The following RORB variants were observed in gnomAD, a reference collection of about 807,000 sequenced individuals.
RORB encodes the protein nuclear receptor ROR-beta.
A neutral mutation model predicts 59.1 loss-of-function variants in RORB; 6 were observed. The ratio of observed to expected loss-of-function variants is 0.10; its 90% CI spans 0.06 to 0.20. RORB has a LOEUF of 0.20. Among genes scored for constraint, RORB ranks in the 10% least tolerant of loss-of-function variants. RORB has a pLI of 1.00. For synonymous variants in RORB, 215 were observed against 204.5 expected, an observed-to-expected ratio of 1.05 and a Z score of -0.44; for missense variants, 320 against 560.5, an observed-to-expected ratio of 0.57 and a Z score of 4.33.
chr9:74,642,921 G>A, intron 4 of RORB, 106 bp downstream of exon 4: 5 of 756,360 alleles, frequency 6.6e-6, no homozygotes, highest in Non-Finnish European at 1.0e-5. Flanking sequence ...TGAATTACTT[G>A]GATTCACAGC....
chr9:74,623,235 C>G (rs867075690), intron 1 of RORB, among the ~76,000 whole-genome samples: 1 of 152,142 alleles, frequency 6.6e-6, no homozygotes, highest in East Asian at 1.9e-4. Context: ...GTAGCCACAA[C>G]CGCAAGAGTG....
At chr9:74,624,365 A>G (rs1485133419) in intron 1 of RORB, among the ~76,000 whole-genome samples, 1 of 152,178 alleles carries the variant, frequency 6.6e-6, no homozygotes, top group East Asian at 1.9e-4. Context: ...CATATTGTAT[A>G]TTTAGACAGG....
intron 1 of RORB, among the ~76,000 whole-genome samples, chr9:74,612,713 A>G (rs2118361797): frequency 6.6e-6 from 1 of 152,302 alleles, no homozygotes; most frequent in South Asian, 2.1e-4. Flanking sequence ...TTAGCACCCT[A>G]TGAATGGTGC....
chr9:74,508,579 C>A (rs907563130), intron 1 of RORB, among the ~76,000 whole-genome samples: 1 of 151,938 alleles, frequency 6.6e-6, no homozygotes, highest in South Asian at 2.1e-4. Flanking sequence ...GTAGGTGACA[C>A]CTTCTATAGT....
intron 1 of RORB, among the ~76,000 whole-genome samples, chr9:74,594,538 T>G (rs981806196): frequency 6.6e-6 from 1 of 152,212 alleles, no homozygotes; most frequent in South Asian, 2.1e-4. Context: ...ATACAATTTT[T>G]ATATCATCAC....
chr9:74,657,524 G>A (rs1824104303), intron 4 of RORB, among the ~76,000 whole-genome samples: 1 of 152,056 alleles, frequency 6.6e-6, no homozygotes, highest in Non-Finnish European at 1.5e-5. Context: ...CTCTACCTGG[G>A]ATACATCTTT....
chr9:74,512,791 T>C (rs1005443983), intron 1 of RORB, among the ~76,000 whole-genome samples: 25 of 152,250 alleles, frequency 1.6e-4, no homozygotes, highest in African/African-American at 5.3e-4. Flanking sequence ...CTGCTTCCTC[T>C]TTTCTGCCTC....
In RORB at chr9:74,591,210, G is replaced by A. The variant is rs562037150; in HGVS notation, c.8-39072G>A. ...CACTAAAATTTCTAGTTGAGTTTTT[G>A]TAAAAAGGACCTTAGTGTAGACTGA... is the stretch of plus-strand genomic sequence containing the variant. On this transcript the variant is annotated intron_variant, in intron 1 of 9. Coordinates refer to ENST00000376896, the MANE Select transcript of RORB (RefSeq NM_006914.4). 1.8e-3 allele frequency among the ~76,000 whole-genome samples: 281 copies of A among 152,274 alleles called. 2 individuals carry two copies. Among genetic ancestry groups the A allele is most frequent in the Non-Finnish European group, 2.5e-3 (173 of 68,006 alleles).
intron 1 of RORB, among the ~76,000 whole-genome samples, chr9:74,552,058 G>A (rs1826617636): frequency 1.3e-5 from 2 of 152,290 alleles, no homozygotes; most frequent in Admixed American, 6.5e-5. Context: ...TGCAAATGCT[G>A]GGGGGCCGTC....
At chr9:74,622,195 G>A (rs994663523) in intron 1 of RORB, among the ~76,000 whole-genome samples, 5 of 152,042 alleles carry the variant, frequency 3.3e-5, no homozygotes, top group African/African-American at 4.8e-5. Context: ...GTGTAATCAC[G>A]AGCTTCCTGT....
intron 1 of RORB, among the ~76,000 whole-genome samples, chr9:74,566,616 G>A (rs1268434034): frequency 6.6e-6 from 1 of 152,076 alleles, no homozygotes; most frequent in Non-Finnish European, 1.5e-5. Flanking sequence ...GGCCAACATG[G>A]TGAAACCCCG....
chr9:74,573,346 T>A lies in RORB; in HGVS notation c.8-56936T>A, dbSNP rs978726633. 3.3e-5 allele frequency among the ~76,000 whole-genome samples: 5 copies of A among 152,010 alleles called. 1 individual carries two copies. In the South Asian group the frequency reaches 8.3e-4, roughly 25 times the overall value. ...TACAAGTGTGTTTTCCCATTCAATT[T>A]TGGCTCCACTCTAAATGACAACGTC... is the stretch of plus-strand genomic sequence containing the variant. On this transcript the variant is annotated intron_variant, in intron 1 of 9. Coordinates refer to ENST00000376896, the MANE Select transcript of RORB (RefSeq NM_006914.4).
At chr9:74,533,906 C>T (rs1239125149) in intron 1 of RORB, among the ~76,000 whole-genome samples, 2 of 151,892 alleles carry the variant, frequency 1.3e-5, no homozygotes, top group Non-Finnish European at 2.9e-5. Flanking sequence ...GTAAAGGGGA[C>T]ATTAAAGAAG....
At chr9:74,499,320 C>G (rs1190881436) in intron 1 of RORB, among the ~76,000 whole-genome samples, 1 of 152,134 alleles carries the variant, frequency 6.6e-6, no homozygotes, top group East Asian at 1.9e-4. Flanking sequence ...CCCACCCAGT[C>G]CCCCTACGCC....
intron 1 of RORB, among the ~76,000 whole-genome samples, chr9:74,503,758 G>A (rs1360520503): frequency 6.6e-6 from 1 of 152,034 alleles, no homozygotes. Context: ...GACAAAGGAA[G>A]CATAGAGGAA....
At chr9:74,635,299 A>G (rs550441739) in intron 3 of RORB, among the ~76,000 whole-genome samples, 201 of 152,280 alleles carry the variant, frequency 1.3e-3, no homozygotes, top group Non-Finnish European at 2.3e-3. Flanking sequence ...TGAAGTTTCC[A>G]AAGGCTAGAG....
intron 3 of RORB, among the ~76,000 whole-genome samples, chr9:74,640,523 T>G (rs1283667526): frequency 6.6e-6 from 1 of 152,110 alleles, no homozygotes; most frequent in Non-Finnish European, 1.5e-5. Context: ...GACCTCGTGA[T>G]CTGCCCGCCT....
chr9:74,612,796 A>G (rs1354097048), intron 1 of RORB, among the ~76,000 whole-genome samples: 1 of 152,222 alleles, frequency 6.6e-6, no homozygotes, highest in Non-Finnish European at 1.5e-5. Context: ...TCTGTCTACA[A>G]TTTGAACTAT....
chr9:74,593,364 G>A (rs1217512287), intron 1 of RORB, among the ~76,000 whole-genome samples: 1 of 151,656 alleles, frequency 6.6e-6, no homozygotes, highest in Non-Finnish European at 1.5e-5. Context: ...TACTTGGGAG[G>A]CTGAGGAATG....
Sources: gnomAD v4.1 joint callset for allele counts (sites outside exome capture counted in the v4.1 genomes callset) on GRCh38, gnomAD v4.1.1 for gene constraint, MANE v1.5 for transcripts, NCBI Gene and HGNC (gene_info 2026-07-23, HGNC 2026-07-21) for gene names.